The following WDPCP variants were observed in gnomAD, a reference collection of about 807,000 sequenced individuals.
WDPCP encodes WD repeat-containing and planar cell polarity effector protein fritz homolog.
WDPCP carries 71 observed loss-of-function variants against 93.1 expected under a neutral mutation model. The ratio of observed to expected loss-of-function variants is 0.76; its 90% CI spans 0.63 to 0.93. WDPCP has a LOEUF of 0.93. WDPCP is among the 40% of genes least tolerant of loss of function. The pLI is 0.00. For missense variants in WDPCP, 844 were observed against 887.4 expected, an observed-to-expected ratio of 0.95 and a Z score of 0.62; for synonymous variants, 315 against 315.0, an observed-to-expected ratio of 1.00 and a Z score of 0.00.
At chr2:63,271,066 C>T (rs1364256331) in intron 13 of WDPCP, among the ~76,000 whole-genome samples, 1 of 152,220 alleles carries the variant, frequency 6.6e-6, no homozygotes, top group South Asian at 2.1e-4. Flanking sequence ...TCAGGTATGC[C>T]CAGGTTTGCA....
chr2:63,528,506 T>G (rs1044347507), intron 1 of WDPCP, among the ~76,000 whole-genome samples: 2 of 152,232 alleles, frequency 1.3e-5, no homozygotes, highest in East Asian at 3.8e-4. Context: ...TTATCAGGTT[T>G]GTCAAAGATC....
intron 9 of WDPCP, among the ~76,000 whole-genome samples, chr2:63,432,043 T>A (rs1575410092): frequency 6.6e-6 from 1 of 151,576 alleles, no homozygotes; most frequent in African/African-American, 2.4e-5. Context: ...ATGAAAAAAA[T>A]CTACCCTCCT....
intron 2 of WDPCP, among the ~76,000 whole-genome samples, chr2:63,755,917 C>T (rs1474619100): frequency 6.6e-6 from 1 of 152,218 alleles, no homozygotes; most frequent in Non-Finnish European, 1.5e-5. Context: ...GTTTCCTATG[C>T]ACTGACTTAG....
intron 2 of WDPCP, among the ~76,000 whole-genome samples, chr2:63,714,331 G>A (rs1669304579): frequency 6.6e-6 from 1 of 151,984 alleles, no homozygotes; most frequent in Admixed American, 6.6e-5. Context: ...TCCTCCCAAA[G>A]TGCTGGGATT....
chr2:63,360,959 A>C (rs1690400794), intron 12 of WDPCP, among the ~76,000 whole-genome samples: 1 of 152,220 alleles, frequency 6.6e-6, no homozygotes, highest in South Asian at 2.1e-4. Flanking sequence ...TCTAATGATA[A>C]ATGTCAGTTA....
chr2:63,274,204 A>G (rs1484786434), intron 13 of WDPCP, among the ~76,000 whole-genome samples: 2 of 152,202 alleles, frequency 1.3e-5, no homozygotes, highest in African/African-American at 2.4e-5. Flanking sequence ...AACTATGGAA[A>G]ATGTACAAAT....
chr2:63,764,178 C>T (rs1340939911), intron 2 of WDPCP, among the ~76,000 whole-genome samples: 1 of 152,142 alleles, frequency 6.6e-6, no homozygotes, highest in East Asian at 1.9e-4. Flanking sequence ...AAACCTCATA[C>T]CCATTAAGCA....
At chr2:63,453,549 A>T (rs1698410906) in intron 6 of WDPCP, among the ~76,000 whole-genome samples, 1 of 152,196 alleles carries the variant, frequency 6.6e-6, no homozygotes, top group Non-Finnish European at 1.5e-5. Context: ...TTCCTCAAGT[A>T]TATAGAACTA....
chr2:63,361,555 T>C (rs921293734), intron 12 of WDPCP, among the ~76,000 whole-genome samples: 6 of 152,138 alleles, frequency 3.9e-5, no homozygotes, highest in Admixed American at 2.6e-4. Context: ...AAGAATAACA[T>C]AGGGAACATG....
At chr2:63,578,985 T>C (rs1372933433) in intron 1 of WDPCP, among the ~76,000 whole-genome samples, 1 of 152,270 alleles carries the variant, frequency 6.6e-6, no homozygotes, top group South Asian at 2.1e-4. Flanking sequence ...GTGGCCAAGA[T>C]TTGTCTCTTA....
At position 63,392,610 on chromosome 2, in the gene WDPCP, T is replaced by C. The variant is rs190604622; in HGVS notation, c.1436-10516A>G. Among the ~76,000 whole-genome samples the C allele has an allele frequency of 8.6e-3, 1,313 of 152,196 alleles. 15 individuals are homozygous for C. The highest frequency in any genetic ancestry group is 0.012 in the Non-Finnish European group (816 of 67,998). ...TAGAGTGAACAGGCAACCTACAGAATGGGAGAAAATTTTTGCAATCTACCC... is the reference window on the plus strand; with the variant it reads ...TAGAGTGAACAGGCAACCTACAGAACGGGAGAAAATTTTTGCAATCTACCC... On this transcript the variant is annotated intron_variant, in intron 10 of 17. Transcript: ENST00000272321.
intron 10 of WDPCP, among the ~76,000 whole-genome samples, chr2:63,384,739 C>T (rs904665798): frequency 1.3e-5 from 2 of 149,238 alleles, no homozygotes; most frequent in Admixed American, 6.7e-5. Context: ...AATAGTAATA[C>T]GTAAAAAAAA....
At chr2:63,144,621 T>A (rs1209980660) in intron 17 of WDPCP, among the ~76,000 whole-genome samples, 1 of 152,218 alleles carries the variant, frequency 6.6e-6, no homozygotes, top group Non-Finnish European at 1.5e-5. Flanking sequence ...CTTTAAGCTA[T>A]CTATTTCCTT....
chr2:63,255,293 A>G (rs1681043098), intron 14 of WDPCP, among the ~76,000 whole-genome samples: 1 of 152,196 alleles, frequency 6.6e-6, no homozygotes, highest in African/African-American at 2.4e-5. Context: ...ATAAGGAAAG[A>G]GAAGTAAAAA....
intron 3 of WDPCP, among the ~76,000 whole-genome samples, chr2:63,635,406 AG>A (rs1456794640): frequency 6.6e-6 from 1 of 152,190 alleles, no homozygotes; most frequent in African/African-American, 2.4e-5. Context: ...AAACCAGATG[AG>A]GATACTGTAA....
chr2:63,421,479 G>C (rs80052855), intron 9 of WDPCP, among the ~76,000 whole-genome samples: 6,027 of 152,140 alleles, frequency 0.04, 130 homozygotes, highest in South Asian at 0.068. Flanking sequence ...ACTGATATTT[G>C]ACAAAGTAGC....
chr2:63,367,244 T>C (rs1300595515), intron 12 of WDPCP, among the ~76,000 whole-genome samples: 1 of 151,884 alleles, frequency 6.6e-6, no homozygotes, highest in Non-Finnish European at 1.5e-5. Flanking sequence ...ATCTCATACA[T>C]TAAAACAATT....
intron 14 of WDPCP, among the ~76,000 whole-genome samples, chr2:63,241,878 G>C (rs557592109): frequency 6.6e-6 from 1 of 152,224 alleles, no homozygotes; most frequent in South Asian, 2.1e-4. Flanking sequence ...TGACATGTGT[G>C]AGCCACTGCA....
intron 6 of WDPCP, among the ~76,000 whole-genome samples, chr2:63,459,386 T>G (rs1698852531): frequency 6.6e-6 from 1 of 151,514 alleles, no homozygotes; most frequent in Non-Finnish European, 1.5e-5. Context: ...AAAAAAAAAC[T>G]CATTTAAAAA....
Sources: allele counts gnomAD v4.1 joint callset (sites outside exome capture counted in the v4.1 genomes callset), GRCh38; gene constraint gnomAD v4.1.1; transcripts MANE v1.5; gene names NCBI Gene and HGNC (gene_info 2026-07-23, HGNC 2026-07-21).